DCHS2: variants seen among roughly 807,000 people sequenced by gnomAD.
The protein encoded by DCHS2 is dachsous cadherin-related 2.
A neutral mutation model predicts 182.4 loss-of-function variants in DCHS2; 142 were observed. The ratio of observed to expected loss-of-function variants is 0.78; its 90% confidence interval spans 0.68 to 0.89. The LOEUF is 0.89. Ranked by LOEUF, DCHS2 falls within the 40% of genes least tolerant of loss-of-function variation. The pLI is 0.00. For missense variants in DCHS2, 4,319 were observed against 4,198.6 expected, an observed-to-expected ratio of 1.03 and a Z score of -0.79; for synonymous variants, 1,740 against 1,663.3, an observed-to-expected ratio of 1.05 and a Z score of -1.12.
At chr4:154,469,826 T>C (rs1735386582) in intron 1 of DCHS2, among the ~76,000 whole-genome samples, 1 of 152,220 alleles carries the variant, frequency 6.6e-6, no homozygotes, top group Non-Finnish European at 1.5e-5. Context: ...TGTAACATCA[T>C]CCTGTTAGAC....
rs80042163 is a variant in DCHS2, at chr4:154,274,374, C to T, written c.6464-4361G>A. Reference sequence around the variant, plus strand: ...TCTCTGATAGAGAAGACAAATCTCTCCTCTTTTGTTTCTAACCCTTTTGGC... The same window carrying T: ...TCTCTGATAGAGAAGACAAATCTCTTCTCTTTTGTTTCTAACCCTTTTGGC... On this transcript the variant is annotated intron_variant, in intron 13 of 19. Coordinates refer to ENST00000357232, the MANE Select transcript of DCHS2 (RefSeq NM_001358235.2). Among the ~76,000 whole-genome samples the T allele has an allele frequency of 7.9e-3, 1,201 of 152,240 alleles. 16 individuals are homozygous for T. The highest frequency in any genetic ancestry group is 0.027 in the African/African-American group (1,118 of 41,540).
rs1224425275 is a variant in DCHS2 at position 154,233,866 on chromosome 4, C to T, written c.*670G>A. The T allele has an allele frequency of 6.6e-6, 1 of 152,086 alleles. No individual in the cohort carries two copies. Among genetic ancestry groups the T allele is most frequent in the Admixed American group, 6.6e-5 (1 of 15,252 alleles). The allele number at this position is 152,086 out of a possible 1,614,324, so 9.4% of individuals were successfully genotyped here. The stretch of plus-strand genomic sequence containing the variant: ...GAATCATGAATAATTATTTATATTA[C>T]CTATCATTATAAATCCTATTTGTTT... On this transcript the variant is annotated 3_prime_UTR_variant, in exon 20 of 20. Coordinates refer to ENST00000357232, the MANE Select transcript of DCHS2 (RefSeq NM_001358235.2).
chr4:154,473,727 T>A (rs1334349820), intron 1 of DCHS2, among the ~76,000 whole-genome samples: 2 of 152,026 alleles, frequency 1.3e-5, no homozygotes, highest in Non-Finnish European at 2.9e-5. Flanking sequence ...CCCAAAACCA[T>A]CTGCAGCAGA....
chr4:154,304,237 A>C (rs911317580), intron 12 of DCHS2, among the ~76,000 whole-genome samples: 1 of 152,096 alleles, frequency 6.6e-6, no homozygotes, highest in African/African-American at 2.4e-5. Context: ...GAAAGCAACA[A>C]AAATAGAAAA....
At chr4:154,319,240 G>T (rs187851759) in intron 9 of DCHS2, among the ~76,000 whole-genome samples, 1 of 152,090 alleles carries the variant, frequency 6.6e-6, no homozygotes, top group Admixed American at 6.5e-5. Context: ...AACTATAAAG[G>T]TCCTACAAGG....
intron 1 of DCHS2, among the ~76,000 whole-genome samples, chr4:154,414,938 A>G (rs1407323318): frequency 3.9e-5 from 6 of 152,174 alleles, no homozygotes; most frequent in Non-Finnish European, 5.9e-5. Flanking sequence ...CAGTGGAAGT[A>G]CTTGCCTTCC....
At chr4:154,319,649 C>T (rs1316699134) in intron 9 of DCHS2, among the ~76,000 whole-genome samples, 2 of 97,698 alleles carry the variant, frequency 2.0e-5, no homozygotes, top group Non-Finnish European at 4.0e-5. Flanking sequence ...GTTAGGATGG[C>T]TGTTACTAAA....
chr4:154,436,604 T>C (rs185246055), intron 1 of DCHS2, among the ~76,000 whole-genome samples: 145 of 152,328 alleles, frequency 9.5e-4, no homozygotes, highest in Admixed American at 5.7e-3. Context: ...TGATGTGATA[T>C]ATACATATAC....
chr4:154,426,635 T>C (rs550285194), intron 1 of DCHS2, among the ~76,000 whole-genome samples: 1 of 152,236 alleles, frequency 6.6e-6, no homozygotes, highest in East Asian at 1.9e-4. Context: ...TAACTTATTG[T>C]ACATTTTAAA....
At chr4:154,314,822 CATATA>C (rs142209927) in intron 10 of DCHS2, among the ~76,000 whole-genome samples, 3,586 of 152,056 alleles carry the variant, frequency 0.024, 135 homozygotes, top group African/African-American at 0.081. Flanking sequence ...AGTTTATATT[CATATA>C]ATATTCATAT....
At chr4:154,332,022 T>C (rs1736552617) in intron 5 of DCHS2, among the ~76,000 whole-genome samples, 1 of 152,234 alleles carries the variant, frequency 6.6e-6, no homozygotes, top group Admixed American at 6.5e-5. Context: ...TCTTAACCAA[T>C]GAATTGATGT....
intron 13 of DCHS2, among the ~76,000 whole-genome samples, chr4:154,293,286 T>C (rs980212269): frequency 6.6e-6 from 1 of 152,014 alleles, no homozygotes; most frequent in Non-Finnish European, 1.5e-5. Context: ...TACCGCAACC[T>C]CTGCCTCCCA....
intron 1 of DCHS2, among the ~76,000 whole-genome samples, chr4:154,459,735 TC>T (rs1259497637): frequency 9.7e-4 from 2 of 2,054 alleles, no homozygotes; most frequent in Non-Finnish European, 3.1e-3. Context: ...ATCTACACAT[TC>T]TCTCTCTCTC....
rs767607157 is a variant in DCHS2, at chr4:154,234,937, TAAG to T, written c.9712_9714del (p.Leu3238del). 19 of 1,614,020 alleles carry T rather than the reference TAAG, an allele frequency of 1.2e-5. No homozygotes were observed. Among genetic ancestry groups the T allele is most frequent in the Non-Finnish European group, 1.6e-5 (19 of 1,179,930 alleles). ...AGAGGTTGGAATTTGGGCTCCCAAC[TAAG>T]AAGATAATTCCAGTGATAGTTGTCT... is the stretch of plus-strand genomic sequence containing the variant. On this transcript the variant is annotated inframe_deletion, in exon 20 of 20. Transcript: ENST00000357232.
At chr4:154,466,027 T>A (rs114407984) in intron 1 of DCHS2, among the ~76,000 whole-genome samples, 2,903 of 152,244 alleles carry the variant, frequency 0.019, 81 homozygotes, top group African/African-American at 0.065. Context: ...AGATGATAAA[T>A]TTTAACAGAT....
At position 154,491,559 on chromosome 4, in the gene DCHS2, TA is replaced by T; in HGVS notation, c.-205del. ...CCTGCAGCTCACGCAGACAGGGAAG[TA>T]AGCTCTAGCTGCCTCTGCCGCGGCA... On this transcript the variant is annotated 5_prime_UTR_variant, in exon 1 of 20. Coordinates refer to ENST00000357232, the MANE Select transcript of DCHS2 (RefSeq NM_001358235.2). 1 of 1,377,588 alleles carries T rather than the reference TA, an allele frequency of 7.3e-7. No individual in the cohort carries two copies. The highest frequency in any genetic ancestry group is 9.3e-7 in the Non-Finnish European group (1 of 1,072,612). 85.3% of individuals were successfully genotyped at this position (1,377,588 alleles called of 1,614,324 possible).
intron 1 of DCHS2, among the ~76,000 whole-genome samples, chr4:154,406,349 A>G (rs1330904177): frequency 6.6e-6 from 1 of 152,220 alleles, no homozygotes; most frequent in Non-Finnish European, 1.5e-5. Context: ...ATTTTGCTGC[A>G]ATTAGAAAGG....
intron 15 of DCHS2, among the ~76,000 whole-genome samples, chr4:154,257,590 C>T (rs762423975): frequency 1.3e-5 from 2 of 152,106 alleles, no homozygotes; most frequent in Non-Finnish European, 2.9e-5. Flanking sequence ...TTGATGACAA[C>T]ACCCCCAGGA....
At chr4:154,319,901 A>G (rs551731300) in intron 9 of DCHS2, among the ~76,000 whole-genome samples, 11 of 152,272 alleles carry the variant, frequency 7.2e-5, no homozygotes, top group Non-Finnish European at 1.3e-4. Context: ...TTACTGCAGC[A>G]CCATCCACAA....
Sources: allele counts gnomAD v4.1 joint callset (sites outside exome capture counted in the v4.1 genomes callset), GRCh38; gene constraint gnomAD v4.1.1; transcripts MANE v1.5; gene names NCBI Gene and HGNC (gene_info 2026-07-23, HGNC 2026-07-21).